The following MGAT4C variants were observed in gnomAD, a reference collection of about 807,000 sequenced individuals.
The protein encoded by MGAT4C is MGAT4 family member C, also known as alpha-1,3-mannosyl-glycoprotein 4-beta-N-acetylglucosaminyltransferase C.
A neutral mutation model predicts 40.1 loss-of-function variants in MGAT4C; 19 were observed. The observed-to-expected ratio is 0.47, with a 90% confidence interval of 0.33 to 0.70. MGAT4C has a LOEUF of 0.70. Ranked by LOEUF, MGAT4C falls within the 30% of genes least tolerant of loss-of-function variation. MGAT4C has a pLI of 0.02. For missense variants in MGAT4C, 491 were observed against 563.2 expected, an observed-to-expected ratio of 0.87 and a Z score of 1.30; for synonymous variants, 181 against 187.1, an observed-to-expected ratio of 0.97 and a Z score of 0.27.
At chr12:86,825,174 C>A (rs185799152) in intron 1 of MGAT4C, among the ~76,000 whole-genome samples, 11 of 150,868 alleles carry the variant, frequency 7.3e-5, no homozygotes, top group Non-Finnish European at 1.6e-4. Flanking sequence ...GATATAAACA[C>A]CAAGGTTTGA....
intron 1 of MGAT4C, among the ~76,000 whole-genome samples, chr12:86,133,272 G>A (rs557592799): frequency 2.6e-5 from 4 of 152,280 alleles, no homozygotes; most frequent in Admixed American, 1.3e-4. Context: ...GGTTTAGAGC[G>A]TAGAGAGTGG....
At chr12:86,241,668 T>C (rs978292519) in intron 1 of MGAT4C, among the ~76,000 whole-genome samples, 1 of 151,828 alleles carries the variant, frequency 6.6e-6, no homozygotes, top group Non-Finnish European at 1.5e-5. Context: ...CAGTAGAGAG[T>C]GTATTAGCAG....
chr12:86,738,894 G>A (rs1468372981), intron 1 of MGAT4C, among the ~76,000 whole-genome samples: 1 of 150,654 alleles, frequency 6.6e-6, no homozygotes, highest in Non-Finnish European at 1.5e-5. Flanking sequence ...TTTTTATGGT[G>A]TCCATGCTAT....
intron 1 of MGAT4C, among the ~76,000 whole-genome samples, chr12:86,729,930 A>T (rs1429457140): frequency 1.3e-5 from 2 of 152,222 alleles, no homozygotes; most frequent in East Asian, 3.9e-4. Flanking sequence ...TTCAAGACAA[A>T]TTTGTAAAAA....
chr12:86,371,857 G>A (rs1300921314), intron 3 of MGAT4C, among the ~76,000 whole-genome samples: 1 of 151,728 alleles, frequency 6.6e-6, no homozygotes, highest in Non-Finnish European at 1.5e-5. Context: ...TCAGAGTTGA[G>A]AAAAAGACCT....
intron 1 of MGAT4C, among the ~76,000 whole-genome samples, chr12:86,169,396 C>A (rs933824738): frequency 2.0e-5 from 3 of 152,096 alleles, no homozygotes; most frequent in Non-Finnish European, 4.4e-5. Flanking sequence ...TGTCCTATAG[C>A]CACCATCTAG....
At chr12:85,990,649 G>T (rs1167379216) in intron 2 of MGAT4C, among the ~76,000 whole-genome samples, 1 of 152,090 alleles carries the variant, frequency 6.6e-6, no homozygotes, top group East Asian at 1.9e-4. Context: ...TTAGGAATTA[G>T]AAGAAAGTCT....
At chr12:86,225,344 C>T (rs987961223) in intron 1 of MGAT4C, among the ~76,000 whole-genome samples, 5 of 152,068 alleles carry the variant, frequency 3.3e-5, no homozygotes, top group Middle Eastern at 3.2e-3. Context: ...GATGAATTCA[C>T]AGTGAAATTA....
At chr12:86,544,262 C>A (rs1959182030) in intron 2 of MGAT4C, among the ~76,000 whole-genome samples, 1 of 151,976 alleles carries the variant, frequency 6.6e-6, no homozygotes, top group African/African-American at 2.4e-5. Flanking sequence ...GAGAAGACAT[C>A]TAATATTTTC....
chr12:86,315,241 A>T (rs190049888), intron 4 of MGAT4C, among the ~76,000 whole-genome samples: 4 of 152,084 alleles, frequency 2.6e-5, no homozygotes, highest in Admixed American at 6.5e-5. Flanking sequence ...TGACAAAGTT[A>T]AAAAAAATAA....
At chr12:86,484,130 C>G (rs1170232540) in intron 2 of MGAT4C, among the ~76,000 whole-genome samples, 1 of 151,866 alleles carries the variant, frequency 6.6e-6, no homozygotes, top group Non-Finnish European at 1.5e-5. Flanking sequence ...TGCCATGACA[C>G]CAAAGACATT....
intron 2 of MGAT4C, among the ~76,000 whole-genome samples, chr12:86,039,405 G>T (rs772789379): frequency 8.6e-5 from 13 of 152,008 alleles, no homozygotes; most frequent in Non-Finnish European, 1.9e-4. Context: ...TTTCTTGGAG[G>T]CTTTGTTTGT....
At chr12:86,595,746 G>A (rs10745428) in intron 2 of MGAT4C, among the ~76,000 whole-genome samples, 126,988 of 152,154 alleles carry the variant, frequency 0.83, 53,630 homozygotes, top group East Asian at 0.96. Flanking sequence ...CAAATTTTTT[G>A]AGCCTTTTAA....
intron 2 of MGAT4C, among the ~76,000 whole-genome samples, chr12:86,698,043 A>G (rs1287303053): frequency 1.3e-5 from 2 of 152,094 alleles, no homozygotes; most frequent in African/African-American, 4.8e-5. Flanking sequence ...AGCATGTGGC[A>G]ATAATGCGAA....
chr12:86,395,029 G>A (rs1956233089), intron 3 of MGAT4C, among the ~76,000 whole-genome samples: 1 of 151,774 alleles, frequency 6.6e-6, no homozygotes, highest in African/African-American at 2.4e-5. Context: ...TTCTTGTTAA[G>A]AAACTATATG....
At chr12:86,619,016 A>G (rs1962553178) in intron 2 of MGAT4C, among the ~76,000 whole-genome samples, 1 of 152,058 alleles carries the variant, frequency 6.6e-6, no homozygotes, top group African/African-American at 2.4e-5. Context: ...ACAAATAAAA[A>G]TAATGCATCT....
chr12:86,329,097 C>T (rs1954592116), intron 4 of MGAT4C, among the ~76,000 whole-genome samples: 1 of 132,972 alleles, frequency 7.5e-6, no homozygotes, highest in Admixed American at 7.7e-5. Flanking sequence ...AGCAAGACTC[C>T]ATTTCAATAA....
chr12:86,786,998 A>G (rs113811773), intron 1 of MGAT4C, among the ~76,000 whole-genome samples: 2,805 of 152,148 alleles, frequency 0.018, 30 homozygotes, highest in African/African-American at 0.037. Flanking sequence ...CAAACAATGT[A>G]TGTTTTGTAT....
intron 1 of MGAT4C, among the ~76,000 whole-genome samples, chr12:86,729,110 T>C (rs1950868975): frequency 6.6e-6 from 1 of 152,194 alleles, no homozygotes. Context: ...GAATTGATGT[T>C]CTGTGCAAAT....
Sources: allele counts gnomAD v4.1 joint callset (sites outside exome capture counted in the v4.1 genomes callset), GRCh38; gene constraint gnomAD v4.1.1; transcripts MANE v1.5; gene names NCBI Gene and HGNC (gene_info 2026-07-23, HGNC 2026-07-21).